Variants in PAK1 observed in about 807,000 individuals in gnomAD.
PAK1 encodes the protein serine/threonine-protein kinase PAK 1.
A neutral mutation model predicts 67.4 loss-of-function variants in PAK1; 29 were observed. The observed-to-expected ratio is 0.43, with a 90% confidence interval of 0.32 to 0.59. The LOEUF is 0.59. Ranked by LOEUF, PAK1 falls within the 20% of genes least tolerant of loss-of-function variation. PAK1 has a pLI of 0.07. For missense variants in PAK1, 337 were observed against 670.7 expected (o/e 0.50, Z 5.50); for synonymous variants, 223 against 237.4 (o/e 0.94, Z 0.56).
chr11:77,416,114 A>T (rs1954937911), intron 1 of PAK1, among the ~76,000 whole-genome samples: 1 of 151,710 alleles, frequency 6.6e-6, no homozygotes, highest in African/African-American at 2.4e-5. Flanking sequence ...GAGTAGCTGG[A>T]ATTACAGGCG....
chr11:77,369,498 A>C (rs1411484439), intron 5 of PAK1, among the ~76,000 whole-genome samples: 2 of 120,184 alleles, frequency 1.7e-5, no homozygotes, highest in Admixed American at 2.4e-4. Flanking sequence ...CCCAGGTTGG[A>C]GGGCAGTGGC....
At chr11:77,516,838 C>CAAAAA in the PAK1 span, among the ~76,000 whole-genome samples, 2 of 95,398 alleles carry the variant, frequency 2.1e-5, no homozygotes, top group Non-Finnish European at 4.0e-5. Flanking sequence ...CCCCATCTCT[C>CAAAAA]AAAAAAAAAA....
rs577079947 is a variant in PAK1 at position 77,436,802 on chromosome 11, T to C, written c.-22+36750A>G. On this transcript the variant is annotated intron_variant, in intron 1 of 14. Transcript: ENST00000356341. ...GAAGCTTCTCTCAGCTCTCCCTCCATCTCAAACAGGGACTCAGTATTTCTT... is the reference window on the plus strand; with the variant it reads ...GAAGCTTCTCTCAGCTCTCCCTCCACCTCAAACAGGGACTCAGTATTTCTT... Among the ~76,000 whole-genome samples the C allele has an allele frequency of 2.8e-4, 43 of 152,292 alleles. 2 individuals are homozygous for C. Among genetic ancestry groups the C allele is most frequent in the African/African-American group, 9.1e-4 (38 of 41,560 alleles).
chr11:77,390,717 GTCTCA>G (rs1380411300), intron 2 of PAK1, among the ~76,000 whole-genome samples: 1 of 140,800 alleles, frequency 7.1e-6, no homozygotes, highest in African/African-American at 2.7e-5. Context: ...GCCCGGGCTA[GTCTCA>G]AACTCCTGAG....
chr11:77,416,218 A>G (rs1179708864), intron 1 of PAK1, among the ~76,000 whole-genome samples: 1 of 152,178 alleles, frequency 6.6e-6, no homozygotes, highest in Non-Finnish European at 1.5e-5. Context: ...AGCTCAAGCT[A>G]TTCACTTGTC....
intron 1 of PAK1, among the ~76,000 whole-genome samples, chr11:77,398,721 C>T (rs953641682): frequency 8.5e-5 from 13 of 152,224 alleles, no homozygotes; most frequent in African/African-American, 2.4e-4. Flanking sequence ...CTGGATCATA[C>T]GATAGGTCTA....
At chr11:77,416,756 A>G (rs970474430) in intron 1 of PAK1, among the ~76,000 whole-genome samples, 19 of 152,202 alleles carry the variant, frequency 1.2e-4, no homozygotes, top group Admixed American at 5.2e-4. Flanking sequence ...GATCAAGACC[A>G]TCCTGGCTAA....
chr11:77,462,069 G>T (rs1214576254), intron 1 of PAK1, among the ~76,000 whole-genome samples: 1 of 152,186 alleles, frequency 6.6e-6, no homozygotes, highest in Non-Finnish European at 1.5e-5. Flanking sequence ...GCTCACGCCT[G>T]TAATCCCAGC....
intron 1 of PAK1, among the ~76,000 whole-genome samples, chr11:77,403,222 G>A (rs1265876167): frequency 3.9e-5 from 6 of 152,040 alleles, no homozygotes; most frequent in African/African-American, 4.8e-5. Flanking sequence ...GGCTGCTATC[G>A]CACATCTTTG....
chr11:77,430,530 CT>C (rs1955812097), intron 1 of PAK1, among the ~76,000 whole-genome samples: 1 of 152,164 alleles, frequency 6.6e-6, no homozygotes, highest in African/African-American at 2.4e-5. Context: ...AAATTTTATC[CT>C]TTCTTAAAAT....
intron 6 of PAK1, among the ~76,000 whole-genome samples, chr11:77,358,505 C>G (rs1474604398): frequency 6.6e-6 from 1 of 152,064 alleles, no homozygotes; most frequent in Non-Finnish European, 1.5e-5. Context: ...AGAGGCTGAA[C>G]ACTGCACATT....
At position 77,380,011 on chromosome 11, in the gene PAK1, C is replaced by A; in HGVS notation, c.191-17G>T. The A allele has an allele frequency of 6.4e-7, 1 of 1,574,618 alleles. No homozygotes were observed. ...TTTTATTTGCTGCAAGAGAAACAGG[C>A]AAAAGGAAATAAAAAACAGGAACAT... is the stretch of plus-strand genomic sequence containing the variant. On this transcript the variant is annotated splice_polypyrimidine_tract_variant and intron_variant, in intron 2 of 14. Transcript: ENST00000356341.
At chr11:77,354,788 C>T (rs754220460) in intron 7 of PAK1, among the ~76,000 whole-genome samples, 3 of 152,190 alleles carry the variant, frequency 2.0e-5, no homozygotes, top group Non-Finnish European at 4.4e-5. Flanking sequence ...GTCGCCAAAT[C>T]GGTCACATCA....
chr11:77,522,954 GC>G, the PAK1 span, among the ~76,000 whole-genome samples: 1 of 152,272 alleles, frequency 6.6e-6, no homozygotes, highest in South Asian at 2.1e-4. Flanking sequence ...ATTATCCTAA[GC>G]CAATTAATGC....
At position 77,333,854 on chromosome 11, in the gene PAK1, G is replaced by A. The variant is rs540415446; in HGVS notation, c.1414-987C>T. On this transcript the variant is annotated intron_variant, in intron 13 of 14. Coordinates refer to ENST00000356341, the MANE Select transcript of PAK1 (RefSeq NM_002576.5). ...CATCTTCACTTCACAGATAGGGTCC[G>A]GAAACATAAAAAGATATGTCTAGGG... 9.9e-5 allele frequency among the ~76,000 whole-genome samples: 15 copies of A among 152,118 alleles called. No individual in the cohort carries two copies. The South Asian group carries it at 2.7e-3, about 27-fold the overall frequency.
At chr11:77,474,202 T>TCCCCCCTCCCCCTCCCCCACTC (rs200545041), upstream of PAK1, 14 of 147,048 alleles carry the variant, frequency 9.5e-5, no homozygotes, top group Admixed American at 1.3e-4. Flanking sequence ...CCTCCCCCAC[T>TCCCCCCTCCCCCTCCCCCACTC]CCCCCTCCCC....
intron 1 of PAK1, among the ~76,000 whole-genome samples, chr11:77,412,851 T>C (rs1325567545): frequency 6.6e-6 from 1 of 152,182 alleles, no homozygotes; most frequent in Non-Finnish European, 1.5e-5. Context: ...CCAGGGAAAA[T>C]GTCCAGGGCT....
chr11:77,381,665 T>C (rs1400197869), intron 2 of PAK1, among the ~76,000 whole-genome samples: 1 of 152,230 alleles, frequency 6.6e-6, no homozygotes, highest in Non-Finnish European at 1.5e-5. Flanking sequence ...ACAAGATAGA[T>C]ATTACTACCG....
Position 77,349,226 on chromosome 11 carries a change from G to A in PAK1, c.885+13C>T. The A allele has an allele frequency of 6.3e-7, 1 of 1,577,494 alleles. No individual in the cohort carries two copies. The highest frequency in any genetic ancestry group is 8.7e-7 in the Non-Finnish European group (1 of 1,154,768). ...CAGAACTAAAGGAGCAACAGTGGGTGGTGGATACTCACCTCCTGTCCTGTG... is the reference window on the plus strand; with the variant it reads ...CAGAACTAAAGGAGCAACAGTGGGTAGTGGATACTCACCTCCTGTCCTGTG... On this transcript the variant is annotated intron_variant, in intron 9 of 14. Coordinates refer to ENST00000356341, the MANE Select transcript of PAK1 (RefSeq NM_002576.5).
Sources: allele counts gnomAD v4.1 joint callset (sites outside exome capture counted in the v4.1 genomes callset), GRCh38; gene constraint gnomAD v4.1.1; transcripts MANE v1.5; gene names NCBI Gene and HGNC (gene_info 2026-07-23, HGNC 2026-07-21).